NEDD9: variants seen among roughly 807,000 people sequenced by gnomAD.
NEDD9 encodes enhancer of filamentation 1.
Under a neutral mutation model 76.6 loss-of-function variants are expected in NEDD9, and 26 were observed. That is an observed-to-expected ratio of 0.34 (90% CI 0.25 to 0.47). NEDD9 has a LOEUF of 0.47. Among genes scored for constraint, NEDD9 ranks in the 20% least tolerant of loss-of-function variants. NEDD9 has a pLI of 1.00. For missense variants in NEDD9, 937 were observed against 1,058.5 expected, an observed-to-expected ratio of 0.89 and a Z score of 1.59; for synonymous variants, 392 against 414.2, an observed-to-expected ratio of 0.95 and a Z score of 0.65.
chr6:11,358,132 C>T (rs576605872), intron 1 of NEDD9, among the ~76,000 whole-genome samples: 4 of 151,722 alleles, frequency 2.6e-5, no homozygotes. Context: ...GCCTGTAGTC[C>T]CAGCTACTCG....
chr6:11,330,095 T>A (rs909993585), intron 2 of NEDD9, among the ~76,000 whole-genome samples: 12 of 152,140 alleles, frequency 7.9e-5, no homozygotes, highest in African/African-American at 2.7e-4. Context: ...AGTTTTTTAT[T>A]TTATGTAATT....
intron 4 of NEDD9, 50 bp downstream of exon 4, chr6:11,192,295 A>T: frequency 1.6e-6 from 1 of 637,018 alleles, no homozygotes; most frequent in Non-Finnish European, 2.5e-6. Flanking sequence ...CCCCCGACAC[A>T]CAGACACACA....
intron 3 of NEDD9, among the ~76,000 whole-genome samples, chr6:11,265,862 A>T (rs1373549606): frequency 2.0e-5 from 3 of 152,242 alleles, no homozygotes; most frequent in African/African-American, 4.8e-5. Flanking sequence ...ATAAAAAAGA[A>T]TAAAATCATG....
chr6:11,289,937 A>G (rs897762566), intron 3 of NEDD9, among the ~76,000 whole-genome samples: 2 of 152,200 alleles, frequency 1.3e-5, no homozygotes, highest in Non-Finnish European at 1.5e-5. Context: ...CTAAAAATTC[A>G]GGCAAAAAAT....
chr6:11,319,847 T>C (rs959059866), intron 2 of NEDD9, among the ~76,000 whole-genome samples: 5 of 150,612 alleles, frequency 3.3e-5, no homozygotes, highest in African/African-American at 9.8e-5. Context: ...CACGCACTCA[T>C]GCACACTCAC....
intron 1 of NEDD9, among the ~76,000 whole-genome samples, chr6:11,378,254 C>T (rs1054000079): frequency 1.3e-5 from 2 of 152,058 alleles, no homozygotes; most frequent in Admixed American, 6.6e-5. Context: ...AAAAAAAGAT[C>T]TGATTGTTTA....
intron 3 of NEDD9, among the ~76,000 whole-genome samples, chr6:11,255,524 G>A (rs1240510554): frequency 6.6e-6 from 1 of 152,130 alleles, no homozygotes; most frequent in African/African-American, 2.4e-5. Flanking sequence ...GGGGGCCTGG[G>A]AGGAGAAGAT....
At chr6:11,220,305 T>C (rs554799047) in intron 1 of NEDD9, among the ~76,000 whole-genome samples, 1 of 152,200 alleles carries the variant, frequency 6.6e-6, no homozygotes, top group Admixed American at 6.5e-5. Flanking sequence ...CTTATAGGAG[T>C]ATCTTGGACC....
At chr6:11,214,181 C>T (rs899655390) in intron 1 of NEDD9, 1 of 518,326 alleles carries the variant, frequency 1.9e-6, no homozygotes, top group African/African-American at 1.9e-5. Flanking sequence ...CCAAATAACA[C>T]ACAGTACAAA....
intron 3 of NEDD9, among the ~76,000 whole-genome samples, chr6:11,298,805 G>T (rs1760964461): frequency 6.6e-6 from 1 of 152,202 alleles, no homozygotes. Flanking sequence ...ATAGAATCTA[G>T]TACTAGCGAG....
At chr6:11,379,386 G>A (rs922275952) in intron 1 of NEDD9, among the ~76,000 whole-genome samples, 7 of 152,064 alleles carry the variant, frequency 4.6e-5, no homozygotes, top group East Asian at 1.9e-4. Flanking sequence ...TCAGGAGTTC[G>A]AGACCAGCTT....
chr6:11,226,586 C>T (rs1449932908), intron 1 of NEDD9, among the ~76,000 whole-genome samples: 2 of 151,892 alleles, frequency 1.3e-5, no homozygotes, highest in Non-Finnish European at 2.9e-5. Context: ...GAGAGTTCAC[C>T]CTGAACTTCT....
intron 1 of NEDD9, among the ~76,000 whole-genome samples, chr6:11,343,991 C>T (rs1485499845): frequency 6.6e-6 from 1 of 152,146 alleles, no homozygotes; most frequent in Non-Finnish European, 1.5e-5. Flanking sequence ...GAAGATAGGA[C>T]TGTTTTAGAG....
chr6:11,192,476 T>C (rs912116366), intron 3 of NEDD9, 30 bp from the exon 4 acceptor site: 6 of 1,515,956 alleles, frequency 4.0e-6, no homozygotes, highest in Admixed American at 1.7e-5. Context: ...TTACCCAGAA[T>C]GGAAATGTCT....
chr6:11,354,653 T>C (rs1762532217), intron 1 of NEDD9, among the ~76,000 whole-genome samples: 1 of 152,196 alleles, frequency 6.6e-6, no homozygotes, highest in Non-Finnish European at 1.5e-5. Flanking sequence ...CTCCTCTGCT[T>C]CTAGGAACCA....
intron 3 of NEDD9, among the ~76,000 whole-genome samples, chr6:11,301,492 G>T (rs1761043643): frequency 6.6e-6 from 1 of 152,190 alleles, no homozygotes; most frequent in Non-Finnish European, 1.5e-5. Flanking sequence ...TCGAGGGCTT[G>T]AACTCAGCTC....
intron 1 of NEDD9, among the ~76,000 whole-genome samples, chr6:11,379,958 T>G (rs1486986477): frequency 6.6e-6 from 1 of 152,240 alleles, no homozygotes. Flanking sequence ...AGGTGACAGA[T>G]AAGCAGGACA....
chr6:11,374,228 A>G (rs773612566), intron 1 of NEDD9, among the ~76,000 whole-genome samples: 3 of 152,140 alleles, frequency 2.0e-5, no homozygotes, highest in Non-Finnish European at 4.4e-5. Flanking sequence ...CAACTACTAA[A>G]GCCAAACCAG....
intron 4 of NEDD9, 37 bp from the exon 5 acceptor site, chr6:11,191,242 A>G: frequency 2.0e-6 from 3 of 1,534,278 alleles, no homozygotes; most frequent in South Asian, 1.3e-5. Context: ...CTATTTATTG[A>G]GTTGGCTCAT....
Sources: allele counts gnomAD v4.1 joint callset (sites outside exome capture counted in the v4.1 genomes callset), GRCh38; gene constraint gnomAD v4.1.1; transcripts MANE v1.5; gene names NCBI Gene and HGNC (gene_info 2026-07-23, HGNC 2026-07-21).